Variants in GPC6 observed in about 807,000 individuals in gnomAD.
GPC6 encodes glypican 6.
A neutral mutation model predicts 55.2 loss-of-function variants in GPC6; 14 were observed. That is an observed-to-expected ratio of 0.25 (90% confidence interval 0.17 to 0.40). The LOEUF is 0.40. GPC6 is among the 10% of genes least tolerant of loss of function. The probability of loss-of-function intolerance (pLI) is 1.00; values close to 1 mark genes in which losing one functional copy is unlikely to be tolerated. For synonymous variants in GPC6, 278 were observed against 259.6 expected, an observed-to-expected ratio of 1.07 and a Z score of -0.68; for missense variants, 641 against 708.5, an observed-to-expected ratio of 0.90 and a Z score of 1.08.
chr13:94,357,019 G>C (rs1235886531), intron 6 of GPC6, among the ~76,000 whole-genome samples: 1 of 152,170 alleles, frequency 6.6e-6, no homozygotes, highest in African/African-American at 2.4e-5. Flanking sequence ...TCTGTCCCCT[G>C]TCATCAATCT....
chr13:93,655,486 C>A (rs1444939215), intron 2 of GPC6, among the ~76,000 whole-genome samples: 2 of 152,124 alleles, frequency 1.3e-5, no homozygotes, highest in Non-Finnish European at 2.9e-5. Flanking sequence ...TAAATATAGC[C>A]TCTTGGTGGA....
intron 4 of GPC6, among the ~76,000 whole-genome samples, chr13:94,283,845 A>G (rs1188576614): frequency 6.6e-6 from 1 of 152,186 alleles, no homozygotes; most frequent in Non-Finnish European, 1.5e-5. Flanking sequence ...TGTTCCCAAT[A>G]TTTCAAAATA....
intron 3 of GPC6, among the ~76,000 whole-genome samples, chr13:93,960,067 G>T (rs968103574): frequency 6.6e-6 from 1 of 152,176 alleles, no homozygotes; most frequent in Non-Finnish European, 1.5e-5. Context: ...TCAGGAGGTA[G>T]TGAAAAGGTG....
chr13:93,451,020 G>C (rs187008200), intron 1 of GPC6, among the ~76,000 whole-genome samples: 4 of 152,252 alleles, frequency 2.6e-5, no homozygotes, highest in Non-Finnish European at 1.5e-5. Context: ...ATACATTACA[G>C]ATAATTTTGA....
intron 2 of GPC6, among the ~76,000 whole-genome samples, chr13:93,742,574 G>A (rs1884245022): frequency 6.6e-6 from 1 of 152,174 alleles, no homozygotes; most frequent in Non-Finnish European, 1.5e-5. Flanking sequence ...TGTATCTGAT[G>A]GAACAGTTGT....
chr13:94,350,565 T>A (rs536377314), intron 6 of GPC6, among the ~76,000 whole-genome samples: 1 of 152,252 alleles, frequency 6.6e-6, no homozygotes, highest in South Asian at 2.1e-4. Context: ...AGAATTCTCT[T>A]TTGAGTATAG....
intron 4 of GPC6, among the ~76,000 whole-genome samples, chr13:94,090,259 C>T (rs1240877291): frequency 2.6e-5 from 4 of 152,074 alleles, no homozygotes; most frequent in Admixed American, 1.3e-4. Flanking sequence ...ATGAGAACAG[C>T]ATGGGAAAAC....
chr13:94,152,530 T>G (rs117318364), intron 4 of GPC6, among the ~76,000 whole-genome samples: 2,911 of 152,180 alleles, frequency 0.019, 47 homozygotes, highest in Non-Finnish European at 0.033. Context: ...CAAGAGTAAG[T>G]AGGTAAAATG....
chr13:93,877,434 C>T (rs771253083), intron 3 of GPC6, among the ~76,000 whole-genome samples: 1 of 147,722 alleles, frequency 6.8e-6, no homozygotes, highest in African/African-American at 2.6e-5. Context: ...TAAAAATAAA[C>T]ATTTTAATTA....
chr13:93,999,741 G>A (rs577905882), intron 3 of GPC6, among the ~76,000 whole-genome samples: 3 of 152,252 alleles, frequency 2.0e-5, no homozygotes, highest in South Asian at 2.1e-4. Flanking sequence ...TGGGAGTACA[G>A]ACATCTCTTA....
chr13:93,319,986 G>A (rs1260897733), intron 1 of GPC6, among the ~76,000 whole-genome samples: 3 of 152,112 alleles, frequency 2.0e-5, no homozygotes, highest in Non-Finnish European at 4.4e-5. Flanking sequence ...ATTGGAGCAT[G>A]AGCCCTGATG....
chr13:93,535,427 A>G (rs1279450541), intron 1 of GPC6, among the ~76,000 whole-genome samples: 1 of 152,122 alleles, frequency 6.6e-6, no homozygotes, highest in African/African-American at 2.4e-5. Context: ...CACCAAGTAA[A>G]TATTTGAGGC....
At chr13:93,237,862 G>T (rs1876291436) in intron 1 of GPC6, among the ~76,000 whole-genome samples, 1 of 152,108 alleles carries the variant, frequency 6.6e-6, no homozygotes, top group Non-Finnish European at 1.5e-5. Flanking sequence ...CTTTGTCAAA[G>T]ATTCGTTGGT....
At chr13:93,759,079 C>G (rs966459821) in intron 2 of GPC6, among the ~76,000 whole-genome samples, 1 of 152,126 alleles carries the variant, frequency 6.6e-6, no homozygotes, top group Admixed American at 6.6e-5. Context: ...CTGCAAGATA[C>G]AGCCCAAGGA....
At chr13:93,877,118 T>C (rs1417875239) in intron 3 of GPC6, among the ~76,000 whole-genome samples, 2 of 152,080 alleles carry the variant, frequency 1.3e-5, no homozygotes, top group African/African-American at 2.4e-5. Flanking sequence ...AGTAGAAATA[T>C]ATCAGCTAAG....
intron 4 of GPC6, among the ~76,000 whole-genome samples, chr13:94,093,703 T>A (rs1169336409): frequency 6.6e-6 from 1 of 152,110 alleles, no homozygotes; most frequent in East Asian, 1.9e-4. Flanking sequence ...GTAGGGACAT[T>A]GTAACATATA....
At chr13:94,237,219 A>G (rs530885292) in intron 4 of GPC6, among the ~76,000 whole-genome samples, 117 of 152,252 alleles carry the variant, frequency 7.7e-4, no homozygotes, top group African/African-American at 2.7e-3. Context: ...AGAGAAGAGC[A>G]CTAGGAAAAA....
At chr13:93,231,606 G>A (rs1169779326) in intron 1 of GPC6, among the ~76,000 whole-genome samples, 2 of 151,248 alleles carry the variant, frequency 1.3e-5, no homozygotes, top group African/African-American at 4.9e-5. Flanking sequence ...TGGTTCATGC[G>A]TTTATGCCTT....
chr13:93,514,918 T>C (rs1467509596), intron 1 of GPC6, among the ~76,000 whole-genome samples: 15 of 152,174 alleles, frequency 9.9e-5, no homozygotes, highest in Admixed American at 9.8e-4. Context: ...ATTACATAAC[T>C]CATTGCTATG....
Sources: allele counts gnomAD v4.1 joint callset (sites outside exome capture counted in the v4.1 genomes callset), GRCh38; gene constraint gnomAD v4.1.1; transcripts MANE v1.5; gene names NCBI Gene and HGNC (gene_info 2026-07-23, HGNC 2026-07-21).